NUP93: variants seen among roughly 807,000 people sequenced by gnomAD.
NUP93 encodes the protein nucleoporin 93.
In NUP93, 55 loss-of-function variants were observed where a neutral mutation model predicts 107.8. The observed-to-expected ratio is 0.51, with a 90% CI of 0.41 to 0.64. The LOEUF (loss-of-function observed/expected upper bound fraction) is 0.64. Among genes scored for constraint, NUP93 ranks in the 30% least tolerant of loss-of-function variants. NUP93 has a pLI of 0.00. For missense variants in NUP93, 937 were observed against 1,044.7 expected, an observed-to-expected ratio of 0.90 and a Z score of 1.42; for synonymous variants, 390 against 397.5, an observed-to-expected ratio of 0.98 and a Z score of 0.22.
intron 10 of NUP93, 172 bp from the exon 11 acceptor site, chr16:56,831,670 C>A: frequency 1.6e-6 from 1 of 614,062 alleles, no homozygotes; most frequent in Non-Finnish European, 2.8e-6. Context: ...AGTTGCAAGT[C>A]AGGTTAAAGC....
chr16:56,732,361 G>A (rs1337563363), intron 1 of NUP93, among the ~76,000 whole-genome samples: 4 of 152,228 alleles, frequency 2.6e-5, no homozygotes, highest in African/African-American at 4.8e-5. Flanking sequence ...CAGGCATGGG[G>A]ATGCAGTGGT....
At chr16:56,776,169 A>G (rs532481215) in intron 3 of NUP93, among the ~76,000 whole-genome samples, 2 of 152,266 alleles carry the variant, frequency 1.3e-5, no homozygotes, top group East Asian at 3.9e-4. Context: ...TGAGAAAGCT[A>G]CATTTTATTT....
intron 5 of NUP93, among the ~76,000 whole-genome samples, chr16:56,815,853 G>A (rs1390116758): frequency 1.4e-5 from 2 of 140,080 alleles, no homozygotes; most frequent in African/African-American, 5.5e-5. Context: ...AGGATTTCCA[G>A]CTACTACTGC....
chr16:56,814,196 C>G (rs1281753564), intron 5 of NUP93, among the ~76,000 whole-genome samples: 1 of 152,010 alleles, frequency 6.6e-6, no homozygotes, highest in Non-Finnish European at 1.5e-5. Flanking sequence ...TTTTCTCCCC[C>G]ACCTTTGAGA....
chr16:56,767,755 G>T (rs1962240450), intron 3 of NUP93, among the ~76,000 whole-genome samples: 1 of 152,130 alleles, frequency 6.6e-6, no homozygotes. Flanking sequence ...TCAACAGGAG[G>T]ACCCGTCTCT....
chr16:56,748,052 C>G (rs957831859), intron 1 of NUP93, 182 bp from the exon 2 acceptor site: 8 of 455,844 alleles, frequency 1.8e-5, no homozygotes, highest in Middle Eastern at 5.5e-4. Context: ...CAGCCTGACT[C>G]ATTTTCTCTG....
At chr16:56,745,785 G>C (rs964884067) in intron 1 of NUP93, among the ~76,000 whole-genome samples, 2 of 152,302 alleles carry the variant, frequency 1.3e-5, no homozygotes, top group Non-Finnish European at 2.9e-5. Flanking sequence ...ATGTTGTTCA[G>C]AGATTCAACC....
At chr16:56,825,959 G>A (rs1298680232) in intron 8 of NUP93, among the ~76,000 whole-genome samples, 4 of 152,200 alleles carry the variant, frequency 2.6e-5, no homozygotes, top group Admixed American at 2.6e-4. Flanking sequence ...AGATGGCAAA[G>A]TAGACCAGGC....
At chr16:56,754,050 A>G (rs1285482658) in intron 2 of NUP93, among the ~76,000 whole-genome samples, 1 of 151,372 alleles carries the variant, frequency 6.6e-6, no homozygotes, top group Non-Finnish European at 1.5e-5. Context: ...GTGGATGGGG[A>G]GGTCTTAGGA....
At chr16:56,825,384 T>C (rs1963638287) in intron 8 of NUP93, among the ~76,000 whole-genome samples, 1 of 152,032 alleles carries the variant, frequency 6.6e-6, no homozygotes, top group Non-Finnish European at 1.5e-5. Flanking sequence ...TTTGTATTTT[T>C]AGTAGAGATG....
At chr16:56,794,159 A>G (rs1432540743) in intron 3 of NUP93, among the ~76,000 whole-genome samples, 1 of 152,208 alleles carries the variant, frequency 6.6e-6, no homozygotes, top group Non-Finnish European at 1.5e-5. Context: ...AATATTTTGA[A>G]AAGACAGAAC....
rs188243427 is a variant in NUP93 at position 56,830,599 on chromosome 16, C to G, written c.999C>G (p.Ala333=). 2.5e-6 allele frequency: 4 copies of G among 1,610,878 alleles called. No individual in the cohort carries two copies. Among genetic ancestry groups the G allele is most frequent in the South Asian group, 2.2e-5 (2 of 90,948 alleles). The change falls in exon 10 of 22, where the codon GCC becomes GCG. Residue 333 remains alanine (A), a synonymous_variant. Transcript: ENST00000308159. ...GCATGCGCTGTGGAGACCTGCTTGC[C>G]GCTTCACAGGTAGTTAATCGAGCCC... The part of the protein sequence containing the change: ...YYCMRCGDLL[A]ASQVVNRAQH...
At chr16:56,794,565 G>A (rs1962846670) in intron 3 of NUP93, among the ~76,000 whole-genome samples, 1 of 145,970 alleles carries the variant, frequency 6.9e-6, no homozygotes, top group Non-Finnish European at 1.5e-5. Flanking sequence ...TTGCATTTGT[G>A]TTGTAAGTGT....
chr16:56,821,834 C>T (rs1301084255), intron 7 of NUP93, among the ~76,000 whole-genome samples: 3 of 151,292 alleles, frequency 2.0e-5, no homozygotes, highest in Admixed American at 1.3e-4. Context: ...CTCTTCAAGC[C>T]GTATTTGCTT....
chr16:56,831,759 G>T, intron 10 of NUP93, 83 bp from the exon 11 acceptor site: 1 of 1,422,300 alleles, frequency 7.0e-7, no homozygotes, highest in South Asian at 1.3e-5. Context: ...GCTTTTATGT[G>T]TTTGGGACCT....
chr16:56,759,225 C>T (rs979227037), intron 3 of NUP93, among the ~76,000 whole-genome samples: 6 of 152,210 alleles, frequency 3.9e-5, no homozygotes, highest in South Asian at 2.1e-4. Context: ...CAGAAACTGA[C>T]GTAAAATTGT....
At chr16:56,745,996 CCTTT>C (rs1245414796) in intron 1 of NUP93, among the ~76,000 whole-genome samples, 3 of 151,888 alleles carry the variant, frequency 2.0e-5, no homozygotes, top group African/African-American at 7.3e-5. Context: ...TTTCTTTCTT[CCTTT>C]ATCTTTTTTT....
At chr16:56,743,646 T>G (rs536473986) in intron 1 of NUP93, among the ~76,000 whole-genome samples, 1 of 152,282 alleles carries the variant, frequency 6.6e-6, no homozygotes, top group East Asian at 1.9e-4. Context: ...ATCATGGGTC[T>G]AGATTGACTA....
At chr16:56,761,166 G>C (rs2144486594) in intron 3 of NUP93, among the ~76,000 whole-genome samples, 1 of 152,332 alleles carries the variant, frequency 6.6e-6, no homozygotes, top group South Asian at 2.1e-4. Context: ...AGGCTTAAAG[G>C]AGAAAATTTA....
Sources: gnomAD v4.1 joint callset for allele counts (sites outside exome capture counted in the v4.1 genomes callset) on GRCh38, gnomAD v4.1.1 for gene constraint, MANE v1.5 for transcripts, NCBI Gene and HGNC (gene_info 2026-07-23, HGNC 2026-07-21) for gene names.